Variants in KNL1 observed in about 807,000 individuals in gnomAD.
KNL1 encodes kinetochore scaffold 1, also known as outer kinetochore KNL1 complex subunit KNL1.
Under a neutral mutation model 201.3 loss-of-function variants are expected in KNL1, and 66 were observed. The ratio of observed to expected loss-of-function variants is 0.33; its 90% CI spans 0.27 to 0.40. KNL1 has a LOEUF of 0.40. Among genes scored for constraint, KNL1 ranks in the 10% least tolerant of loss-of-function variants. The probability of loss-of-function intolerance (pLI) is 1.00; values close to 1 mark genes in which losing one functional copy is unlikely to be tolerated. For missense variants in KNL1, 2,815 were observed against 2,690.5 expected, an observed-to-expected ratio of 1.05 and a Z score of -1.02; for synonymous variants, 895 against 899.2, an observed-to-expected ratio of 1.00 and a Z score of 0.08.
Position 40,621,268 on chromosome 15 carries a change from A to T in KNL1, c.1004A>T (p.Asn335Ile), listed in dbSNP as rs771977635. Residue 335 changes from asparagine (N) to isoleucine (I), a missense_variant, in exon 10 of 26, where the codon AAT becomes ATT. Coordinates refer to ENST00000399668, the MANE Select transcript of KNL1 (RefSeq NM_144508.5). ...HTLQILPATG[N>I]FSEIENQTQN... ...TTGCAGATCTTACCTGCAACAGGTA[A>T]TTTTTCTGAAATAGAAAATCAAACT... The T allele has an allele frequency of 6.2e-7, 1 of 1,614,004 alleles. No homozygotes were observed. Among genetic ancestry groups the T allele is most frequent in the Non-Finnish European group, 8.5e-7 (1 of 1,179,954 alleles).
chr15:40,659,101 A>C (rs1281072413), intron 24 of KNL1, among the ~76,000 whole-genome samples: 1 of 151,968 alleles, frequency 6.6e-6, no homozygotes, highest in Admixed American at 6.6e-5. Context: ...ACATTGGCGA[A>C]ACCCTGTCTC....
In KNL1 at chr15:40,623,147, C is replaced by T. The variant is rs767693124; in HGVS notation, c.2883C>T (p.Phe961=). The T allele has an allele frequency of 8.7e-6, 14 of 1,613,696 alleles. No homozygotes were observed. Among genetic ancestry groups the T allele is most frequent in the Non-Finnish European group, 1.1e-5 (13 of 1,179,862 alleles). Reference sequence around the variant, plus strand: ...AAATGACAGAGTCCCATACTGTTTTCATTGACTACCAAGAAAAGGAAAGAA... The same window carrying T: ...AAATGACAGAGTCCCATACTGTTTTTATTGACTACCAAGAAAAGGAAAGAA... ...ELEMTESHTV[F]IDYQEKERTD... The change falls in exon 10 of 26, where the codon TTC becomes TTT. Residue 961 remains phenylalanine, a synonymous_variant. Coordinates refer to ENST00000399668, the MANE Select transcript of KNL1 (RefSeq NM_144508.5).
At chr15:40,652,423 G>C (rs1018067753) in intron 21 of KNL1, among the ~76,000 whole-genome samples, 3 of 149,462 alleles carry the variant, frequency 2.0e-5, no homozygotes, top group Non-Finnish European at 4.4e-5. Context: ...TCGTGATAGA[G>C]AATAGAGAAT....
intron 13 of KNL1, among the ~76,000 whole-genome samples, chr15:40,634,097 GTTGTTGT>G (rs1440570341): frequency 2.6e-5 from 4 of 151,924 alleles, no homozygotes; most frequent in African/African-American, 9.7e-5. Flanking sequence ...TGTTGTTGTT[GTTGTTGT>G]TTGTTTGTTT....
In KNL1 at chr15:40,622,187, C is replaced by T; in HGVS notation, c.1923C>T (p.Asp641=). The T allele has an allele frequency of 6.2e-7, 1 of 1,614,048 alleles. No individual in the cohort carries two copies. Among genetic ancestry groups the T allele is most frequent in the Non-Finnish European group, 8.5e-7 (1 of 1,179,954 alleles). The change falls in exon 10 of 26, where the codon GAC becomes GAT. Residue 641 remains aspartate (D), a synonymous_variant. Transcript: ENST00000399668. ...KNSLTDTWNK[D]KDWVLKILPY... is the part of the protein sequence containing the mutation. ...GCTTAACCGACACCTGGAACAAAGA[C>T]AAAGATTGGGTTTTGAAGATTTTGC... is the stretch of plus-strand genomic sequence containing the variant.
At chr15:40,619,386 A>G (rs1892444251) in intron 9 of KNL1, among the ~76,000 whole-genome samples, 1 of 149,034 alleles carries the variant, frequency 6.7e-6, no homozygotes, top group Non-Finnish European at 1.5e-5. Flanking sequence ...ATTTTAGGCT[A>G]TCTCCTACAA....
chr15:40,609,011 A>G (rs1036937437), intron 5 of KNL1, 103 bp downstream of exon 5: 5 of 726,410 alleles, frequency 6.9e-6, no homozygotes, highest in Middle Eastern at 3.2e-4. Context: ...TTGATTAAAC[A>G]TTAGTTATTC....
intron 22 of KNL1, among the ~76,000 whole-genome samples, chr15:40,656,688 G>C (rs12899600): frequency 0.78 from 119,023 of 152,062 alleles, 47,578 homozygotes; most frequent in Non-Finnish European, 0.85. Flanking sequence ...GAGTTCAAGA[G>C]CAGTCTGTCC....
At chr15:40,608,785 C>A in intron 4 of KNL1, 62 bp from the exon 5 acceptor site, 13 of 1,085,220 alleles carry the variant, frequency 1.2e-5, no homozygotes, top group Non-Finnish European at 1.7e-5. Flanking sequence ...GTCTATAGTA[C>A]TCTGGAGATG....
intron 1 of KNL1, among the ~76,000 whole-genome samples, chr15:40,597,831 G>A (rs1198161198): frequency 6.6e-6 from 1 of 152,184 alleles, no homozygotes; most frequent in African/African-American, 2.4e-5. Context: ...GTGATCTTGA[G>A]TTGATAGTAG....
chr15:40,601,882 T>A (rs1408286791), intron 1 of KNL1, among the ~76,000 whole-genome samples: 27 of 134,702 alleles, frequency 2.0e-4, no homozygotes, highest in African/African-American at 5.7e-4. Context: ...TTTTTTTTTT[T>A]TTTGAGACAG....
chr15:40,623,250 A>G lies in KNL1; in HGVS notation c.2986A>G (p.Ser996Gly). 6.2e-7 allele frequency: 1 copy of G among 1,613,888 alleles called. No individual in the cohort carries two copies. ...AGTGATATGTACTCCTACTGAGGAG[A>G]GTGTTTTCTTTCCAGGAAATGGTGA... ...PTVICTPTEE[S>G]VFFPGNGESD... The change falls in exon 10 of 26, where the codon AGT (serine) becomes GGT (glycine). Residue 996 changes from serine to glycine, a missense_variant. Ser to Gly is a moderately conservative substitution (Grantham distance 56). This residue lies in a region of KNL1 where 2,464 missense variants were observed against 2,291.7 expected (regional missense o/e 1.08). Coordinates refer to ENST00000399668, the MANE Select transcript of KNL1 (RefSeq NM_144508.5).
At chr15:40,602,487 T>TC (rs1891839660) in intron 1 of KNL1, among the ~76,000 whole-genome samples, 1 of 141,842 alleles carries the variant, frequency 7.1e-6, no homozygotes, top group East Asian at 2.0e-4. Context: ...TTCCTTTTTT[T>TC]TTTTTTTTTT....
rs992164982 is a variant in KNL1 at position 40,609,002 on chromosome 15, T to C, written c.197+94T>C. The C allele has an allele frequency of 8.9e-5, 68 of 766,392 alleles. No individual in the cohort carries two copies. The East Asian group carries it at 1.8e-3, about 20-fold the overall frequency. 47.5% of individuals were successfully genotyped at this position (766,392 alleles called of 1,614,324 possible). On this transcript the variant is annotated intron_variant, in intron 5 of 25. Transcript: ENST00000399668. ...TGGTACTGACTTGAATAATCTGTTT[T>C]GATTAAACATTAGTTATTCTTCAAA...
chr15:40,618,926 T>C, intron 8 of KNL1, 33 bp from the exon 9 acceptor site: 1 of 1,469,740 alleles, frequency 6.8e-7, no homozygotes, highest in Non-Finnish European at 9.5e-7. Context: ...GTGTTATATT[T>C]TCTGACTACA....
chr15:40,625,940 G>C, intron 10 of KNL1: 1 of 272,432 alleles, frequency 3.7e-6, no homozygotes, highest in South Asian at 5.0e-5. Context: ...TATGTATACT[G>C]TCACCTCTAG....
At chr15:40,645,612 C>A in intron 15 of KNL1, 44 bp from the exon 16 acceptor site, 1 of 1,074,558 alleles carries the variant, frequency 9.3e-7, no homozygotes, top group Non-Finnish European at 1.4e-6. Flanking sequence ...CCTCTTCTGA[C>A]TCGTTTGTTT....
At chr15:40,648,683 A>G (rs1893466550) in intron 17 of KNL1, among the ~76,000 whole-genome samples, 1 of 152,054 alleles carries the variant, frequency 6.6e-6, no homozygotes, top group Non-Finnish European at 1.5e-5. Flanking sequence ...ACTAATCTTT[A>G]TACATTCTTA....
Position 40,623,480 on chromosome 15 carries a change from TGACAA to T in KNL1, c.3220_3224del (p.Lys1074HisfsTer8). The T allele has an allele frequency of 6.2e-7, 1 of 1,611,744 alleles. No homozygotes were observed. The highest frequency in any genetic ancestry group is 2.2e-5 in the East Asian group (1 of 44,870). ...GAAGAAAAAGCCTTAAGCTAAAAAA[TGACAA>T]GACCATTGTATTTTCAGAGAATCAT... On this transcript the variant is annotated frameshift_variant, in exon 10 of 26. Transcript: ENST00000399668. LOFTEE classifies it high-confidence loss of function.
Sources: allele counts gnomAD v4.1 joint callset (sites outside exome capture counted in the v4.1 genomes callset), GRCh38; gene constraint gnomAD v4.1.1; regional missense constraint gnomAD v4.1.1; transcripts MANE v1.5; gene names NCBI Gene and HGNC (gene_info 2026-07-23, HGNC 2026-07-21).